Variants in ZFHX3 observed in about 807,000 individuals in gnomAD.
ZFHX3 encodes zinc finger homeobox 3.
ZFHX3 carries 42 observed loss-of-function variants against 279.1 expected under a neutral mutation model. The observed-to-expected ratio is 0.15, with a 90% CI of 0.12 to 0.19. The LOEUF is 0.19. ZFHX3 is among the 10% of genes least tolerant of loss of function. The pLI, the probability that ZFHX3 is intolerant of heterozygous loss-of-function variation, is 1.00. For synonymous variants in ZFHX3, 2,293 were observed against 1,957.8 expected, an observed-to-expected ratio of 1.17 and a Z score of -4.52; for missense variants, 4,981 against 4,754.0, an observed-to-expected ratio of 1.05 and a Z score of -1.40.
At chr16:72,815,240 T>C (rs959490650) in intron 5 of ZFHX3, among the ~76,000 whole-genome samples, 2 of 151,952 alleles carry the variant, frequency 1.3e-5, no homozygotes, top group Non-Finnish European at 2.9e-5. Flanking sequence ...AAACCGCATC[T>C]CTACAAAAAT....
At chr16:73,525,772 C>A (rs1188427846) in intron 2 of ZFHX3, among the ~76,000 whole-genome samples, 1 of 152,204 alleles carries the variant, frequency 6.6e-6, no homozygotes, top group Non-Finnish European at 1.5e-5. Flanking sequence ...ACAAAATACA[C>A]CCCTTGCAAC....
intron 3 of ZFHX3, among the ~76,000 whole-genome samples, chr16:73,390,609 A>G (rs967721829): frequency 1.3e-5 from 2 of 152,198 alleles, no homozygotes; most frequent in Admixed American, 6.5e-5. Context: ...ACTGAAAATA[A>G]TGCCTTAAGT....
intron 3 of ZFHX3, among the ~76,000 whole-genome samples, chr16:73,363,155 C>T (rs983960174): frequency 3.3e-5 from 5 of 152,204 alleles, no homozygotes; most frequent in African/African-American, 9.7e-5. Context: ...AGCCAGTCCC[C>T]AGCCAACCTA....
intron 2 of ZFHX3, among the ~76,000 whole-genome samples, chr16:73,582,140 A>T (rs1377721861): frequency 6.6e-6 from 1 of 151,946 alleles, no homozygotes; most frequent in Admixed American, 6.6e-5. Flanking sequence ...AAACTCTGGA[A>T]TACAAAAAGT....
At position 72,793,396 on chromosome 16, in the gene ZFHX3, G is replaced by A; in HGVS notation, c.9286C>T (p.Gln3096Ter). 1 of 1,614,218 alleles carries A rather than the reference G, an allele frequency of 6.2e-7. No individual in the cohort carries two copies. Among genetic ancestry groups the A allele is most frequent in the Non-Finnish European group, 8.5e-7 (1 of 1,180,034 alleles). ...GTGTTGTCAAACATCCCTTGCTGCT[G>A]AGCTGCCAGTCCAAGGACCTCGTTG... ...KANEVLGLAA[Q>*]QQGMFDNTPL... Residue 3096 changes from glutamine (Q) to a stop codon, truncating the protein, a stop_gained, in exon 9 of 10, where the codon CAG becomes TAG. Transcript: ENST00000268489. LOFTEE classifies it high-confidence loss of function. This position sits in a 1 kb window ranked among gnomAD's most constrained non-coding sequence, Gnocchi z 4.3.
chr16:72,882,839 T>C (rs1337712419), intron 4 of ZFHX3, among the ~76,000 whole-genome samples: 1 of 152,144 alleles, frequency 6.6e-6, no homozygotes, highest in East Asian at 1.9e-4. Flanking sequence ...TCTGGCTTCA[T>C]TATATCCCTA....
intron 3 of ZFHX3, among the ~76,000 whole-genome samples, chr16:73,329,174 C>T (rs929335989): frequency 1.3e-5 from 2 of 152,232 alleles, no homozygotes; most frequent in Non-Finnish European, 2.9e-5. Flanking sequence ...GTTTTGATTT[C>T]TAAATGTAAG....
intron 1 of ZFHX3, among the ~76,000 whole-genome samples, chr16:73,862,613 A>G (rs1394325796): frequency 6.6e-6 from 1 of 151,994 alleles, no homozygotes; most frequent in African/African-American, 2.4e-5. Flanking sequence ...CATCTCCACA[A>G]AAAAATTTTA....
intron 3 of ZFHX3, among the ~76,000 whole-genome samples, chr16:73,347,337 C>A (rs1405030396): frequency 1.3e-5 from 2 of 152,228 alleles, no homozygotes; most frequent in African/African-American, 2.4e-5. Flanking sequence ...CCTGGATGCC[C>A]CGTAACAGGT....
At chr16:72,972,634 G>A (rs1384793267) in intron 1 of ZFHX3, among the ~76,000 whole-genome samples, 1 of 152,140 alleles carries the variant, frequency 6.6e-6, no homozygotes, top group Non-Finnish European at 1.5e-5. Flanking sequence ...AGGGTGGGAA[G>A]GCACTATGTC....
At chr16:73,362,016 A>G (rs2016441141) in intron 3 of ZFHX3, among the ~76,000 whole-genome samples, 1 of 152,150 alleles carries the variant, frequency 6.6e-6, no homozygotes, top group South Asian at 2.1e-4. Context: ...GCCAATTGTC[A>G]TTTCTCATAT....
intron 2 of ZFHX3, among the ~76,000 whole-genome samples, chr16:73,670,698 A>G (rs181113829): frequency 3.3e-5 from 5 of 152,354 alleles, no homozygotes; most frequent in Non-Finnish European, 7.3e-5. Context: ...AAATTTTTAG[A>G]TGCTAGATTT....
intron 1 of ZFHX3, among the ~76,000 whole-genome samples, chr16:72,986,652 T>C (rs1260171022): frequency 2.6e-5 from 4 of 152,172 alleles, no homozygotes; most frequent in East Asian, 1.9e-4. Flanking sequence ...CCGTCTCCAA[T>C]GCTGTCACCT....
intron 5 of ZFHX3, among the ~76,000 whole-genome samples, chr16:72,827,657 C>T (rs1398762917): frequency 6.6e-6 from 1 of 152,202 alleles, no homozygotes; most frequent in Admixed American, 6.5e-5. Flanking sequence ...GGATCTTGGT[C>T]CAGGCAAAGC....
chr16:72,862,049 G>A (rs536454349), intron 4 of ZFHX3, among the ~76,000 whole-genome samples: 1 of 152,288 alleles, frequency 6.6e-6, no homozygotes, highest in South Asian at 2.1e-4. Flanking sequence ...GGAATTTTCT[G>A]TTTCATTGTC....
chr16:73,487,404 T>C lies in ZFHX3; in HGVS notation c.-1546-31146A>G, dbSNP rs1160278095. ...AATAAATCACACCTCTCTGTATCTA[T>C]GTGATTTTTTTTTTTTTTGGCAGAG... On this transcript the variant is annotated intron_variant, in intron 2 of 17. Transcript: ENST00000641206. 4 of 423,958 alleles carry C rather than the reference T, an allele frequency of 9.4e-6. No individual in the cohort carries two copies. The East Asian group carries it at 2.8e-4, about 30-fold the overall frequency. 26.3% of individuals were successfully genotyped at this position (423,958 alleles called of 1,614,324 possible).
intron 4 of ZFHX3, among the ~76,000 whole-genome samples, chr16:73,258,535 G>C (rs1488122563): frequency 6.6e-6 from 1 of 151,904 alleles, no homozygotes; most frequent in East Asian, 1.9e-4. Flanking sequence ...ATTTTTAGTA[G>C]AGAAGAGGTT....
At chr16:73,620,844 C>T (rs191081887) in intron 2 of ZFHX3, among the ~76,000 whole-genome samples, 129 of 152,200 alleles carry the variant, frequency 8.5e-4, no homozygotes, top group African/African-American at 2.8e-3. Flanking sequence ...AGTAGATGCA[C>T]GAGAGATGGT....
chr16:73,514,517 A>G (rs1360835711), intron 2 of ZFHX3, among the ~76,000 whole-genome samples: 1 of 152,184 alleles, frequency 6.6e-6, no homozygotes, highest in Non-Finnish European at 1.5e-5. Flanking sequence ...AATATCCTGA[A>G]CTATTATTTT....
Sources: allele counts gnomAD v4.1 joint callset (sites outside exome capture counted in the v4.1 genomes callset), GRCh38; gene constraint gnomAD v4.1.1; non-coding constraint Gnocchi (gnomAD v3.1); transcripts MANE v1.5; gene names NCBI Gene and HGNC (gene_info 2026-07-23, HGNC 2026-07-21).